The following ASXL3 variants were observed in gnomAD, a reference collection of about 807,000 sequenced individuals.
ASXL3 encodes ASXL transcriptional regulator 3, also known as putative Polycomb group protein ASXL3.
In ASXL3, 34 loss-of-function variants were observed where a neutral mutation model predicts 170.6. The observed-to-expected ratio is 0.20, with a 90% confidence interval of 0.15 to 0.27. The LOEUF is 0.27. ASXL3 is among the 10% of genes least tolerant of loss of function. ASXL3 has a pLI of 1.00. For synonymous variants in ASXL3, 1,002 were observed against 989.1 expected, an observed-to-expected ratio of 1.01 and a Z score of -0.24; for missense variants, 2,592 against 2,695.3, an observed-to-expected ratio of 0.96 and a Z score of 0.85.
intron 8 of ASXL3, among the ~76,000 whole-genome samples, chr18:33,716,691 C>T (rs1475943148): frequency 8.6e-5 from 13 of 152,026 alleles, no homozygotes; most frequent in Non-Finnish European, 1.8e-4. Context: ...TTATAGTGTT[C>T]TATAAAGTGA....
At chr18:33,600,824 C>G (rs1308262401) in intron 1 of ASXL3, among the ~76,000 whole-genome samples, 1 of 152,086 alleles carries the variant, frequency 6.6e-6, no homozygotes, top group Non-Finnish European at 1.5e-5. Flanking sequence ...CCCTGGGCAA[C>G]TGAAGTATGT....
intron 9 of ASXL3, among the ~76,000 whole-genome samples, chr18:33,732,322 G>T (rs1423473443): frequency 6.6e-6 from 1 of 152,146 alleles, no homozygotes; most frequent in African/African-American, 2.4e-5. Flanking sequence ...CTTGCGGATG[G>T]TAATTTTAAT....
At chr18:33,584,977 G>A (rs1177407620) in intron 1 of ASXL3, among the ~76,000 whole-genome samples, 1 of 151,702 alleles carries the variant, frequency 6.6e-6, no homozygotes, top group African/African-American at 2.4e-5. Context: ...GGTGTTTAAA[G>A]TGATGTGAAT....
chr18:33,678,172 C>T (rs571276936), intron 7 of ASXL3, among the ~76,000 whole-genome samples: 1 of 152,232 alleles, frequency 6.6e-6, no homozygotes, highest in Non-Finnish European at 1.5e-5. Context: ...AAACAATCCT[C>T]CCACCTCAGA....
At chr18:33,649,098 A>G (rs1193748095) in intron 4 of ASXL3, among the ~76,000 whole-genome samples, 1 of 152,102 alleles carries the variant, frequency 6.6e-6, no homozygotes, top group East Asian at 1.9e-4. Context: ...GCTGGAAAGG[A>G]AAGAATCAAG....
intron 8 of ASXL3, among the ~76,000 whole-genome samples, chr18:33,702,471 G>C (rs1435712707): frequency 6.6e-6 from 1 of 152,054 alleles, no homozygotes; most frequent in Non-Finnish European, 1.5e-5. Flanking sequence ...GCACAGCCTT[G>C]GTTGGCCATG....
At chr18:33,724,311 C>CA (rs1226003345) in intron 8 of ASXL3, among the ~76,000 whole-genome samples, 2 of 152,024 alleles carry the variant, frequency 1.3e-5, no homozygotes, top group East Asian at 3.9e-4. Flanking sequence ...TGAGGTTGTT[C>CA]AAGCTTGTAG....
intron 4 of ASXL3, among the ~76,000 whole-genome samples, chr18:33,651,968 G>A (rs1255963026): frequency 6.6e-6 from 1 of 152,018 alleles, no homozygotes; most frequent in African/African-American, 2.4e-5. Flanking sequence ...CTATGGTTAT[G>A]TGTTTCTTTG....
chr18:33,681,453 T>C (rs1295147569), intron 7 of ASXL3, among the ~76,000 whole-genome samples: 2 of 152,154 alleles, frequency 1.3e-5, no homozygotes, highest in Non-Finnish European at 2.9e-5. Context: ...TTTAGAGACA[T>C]AGTTACAAAT....
chr18:33,646,451 C>A, intron 4 of ASXL3, 98 bp downstream of exon 4: 3 of 830,680 alleles, frequency 3.6e-6, no homozygotes, highest in Non-Finnish European at 5.4e-6. Context: ...ATTATCAATA[C>A]AGTTTTCTTC....
chr18:33,615,508 C>T (rs2145140198), intron 2 of ASXL3, among the ~76,000 whole-genome samples: 1 of 152,190 alleles, frequency 6.6e-6, no homozygotes, highest in South Asian at 2.1e-4. Context: ...AACTATGACA[C>T]AGACAGGAAA....
chr18:33,603,446 G>A (rs944005474), intron 1 of ASXL3, among the ~76,000 whole-genome samples: 1 of 151,886 alleles, frequency 6.6e-6, no homozygotes, highest in South Asian at 2.1e-4. Context: ...ATACTAGGAC[G>A]TGTAGTAGTC....
At chr18:33,676,010 G>A (rs1330482281) in intron 7 of ASXL3, among the ~76,000 whole-genome samples, 2 of 151,878 alleles carry the variant, frequency 1.3e-5, no homozygotes, top group Non-Finnish European at 2.9e-5. Flanking sequence ...GGATCACGAG[G>A]TCAGGAGATC....
At chr18:33,662,593 G>A (rs1175553708) in intron 5 of ASXL3, among the ~76,000 whole-genome samples, 4 of 152,076 alleles carry the variant, frequency 2.6e-5, no homozygotes, top group African/African-American at 7.2e-5. Context: ...TGGAGCCATC[G>A]TATGATGATA....
At chr18:33,713,243 G>GTTTTTTTTTTTTT (rs1568343444) in intron 8 of ASXL3, among the ~76,000 whole-genome samples, 3 of 45,488 alleles carry the variant, frequency 6.6e-5, no homozygotes, top group African/African-American at 9.4e-5. Context: ...TTTTTGTTTT[G>GTTTTTTTTTTTTT]TTTTGTTTTT....
chr18:33,738,434 G>C, intron 10 of ASXL3, 53 bp from the exon 11 acceptor site: 2 of 1,492,458 alleles, frequency 1.3e-6, no homozygotes, highest in Non-Finnish European at 1.8e-6. Flanking sequence ...GATCCCAGTT[G>C]TACCTTTTAT....
At chr18:33,736,921 TTAA>T (rs1274452821) in intron 10 of ASXL3, among the ~76,000 whole-genome samples, 1 of 152,172 alleles carries the variant, frequency 6.6e-6, no homozygotes, top group Non-Finnish European at 1.5e-5. Flanking sequence ...ATATGTATAT[TTAA>T]TAATATTATT....
chr18:33,738,777 T>C lies in ASXL3; in HGVS notation c.1373T>C (p.Val458Ala). 6.2e-7 allele frequency: 1 copy of C among 1,613,802 alleles called. No individual in the cohort carries two copies. The highest frequency in any genetic ancestry group is 1.1e-5 in the South Asian group (1 of 91,080). Reference protein sequence around the residue: ...SVIQEEIAEEVETSICECQDE... With the variant: ...SVIQEEIAEEAETSICECQDE... ...ATTCAGGAGGAAATTGCAGAAGAGG[T>C]AGAGACTAGTATCTGTGAATGCCAG... The change falls in exon 11 of 12, where the codon GTA becomes GCA. Residue 458 changes from valine to alanine, a missense_variant. Physicochemically the swap from Val to Ala is moderately conservative, Grantham distance 64. Around this residue, in one of 4 missense-constraint regions of ASXL3, gnomAD observed 2,246 missense variants for 2,219.6 expected, o/e 1.01. Transcript: ENST00000269197.
chr18:33,727,541 A>G (rs777869018), intron 8 of ASXL3, among the ~76,000 whole-genome samples: 31 of 152,156 alleles, frequency 2.0e-4, no homozygotes, highest in Non-Finnish European at 3.8e-4. Context: ...AGTTTTCTTT[A>G]TTAGTGTTTA....
Sources: gnomAD v4.1 joint callset for allele counts (sites outside exome capture counted in the v4.1 genomes callset) on GRCh38, gnomAD v4.1.1 for gene constraint, gnomAD v4.1.1 regional missense constraint, MANE v1.5 for transcripts, NCBI Gene and HGNC (gene_info 2026-07-23, HGNC 2026-07-21) for gene names.